The following PPFIA2 variants were observed in gnomAD, a reference collection of about 807,000 sequenced individuals.
The protein encoded by PPFIA2 is PPFI scaffold protein A2.
Under a neutral mutation model 175.5 loss-of-function variants are expected in PPFIA2, and 46 were observed. The observed-to-expected ratio is 0.26, with a 90% CI of 0.21 to 0.34. The LOEUF (loss-of-function observed/expected upper bound fraction) is 0.34. Ranked by LOEUF, PPFIA2 falls within the 10% of genes least tolerant of loss-of-function variation. PPFIA2 has a pLI of 1.00. For synonymous variants in PPFIA2, 568 were observed against 511.4 expected (o/e 1.11, Z -1.49); for missense variants, 1,179 against 1,506.1 (o/e 0.78, Z 3.60).
intron 22 of PPFIA2, chr12:81,302,755 T>C: frequency 2.3e-6 from 1 of 428,602 alleles, no homozygotes; most frequent in Non-Finnish European, 4.7e-6. Context: ...CAAAGCAATA[T>C]TGCCTTGCAT....
chr12:81,479,509 C>T (rs2057928397), intron 4 of PPFIA2, among the ~76,000 whole-genome samples: 1 of 152,156 alleles, frequency 6.6e-6, no homozygotes, highest in African/African-American at 2.4e-5. Flanking sequence ...GATGCAGTTT[C>T]TTCATAGAGT....
At chr12:81,267,826 G>GA (rs749467100) in intron 29 of PPFIA2, 86 bp downstream of exon 29, 60 of 1,202,834 alleles carry the variant, frequency 5.0e-5, no homozygotes, top group African/African-American at 4.4e-4. Context: ...TAACAATCAT[G>GA]AATACACAGC....
At position 81,745,940 on chromosome 12, in the gene PPFIA2, A is replaced by G. The variant is rs535166284; in HGVS notation, c.249+8033T>C. Among the ~76,000 whole-genome samples the G allele has an allele frequency of 2.4e-4, 35 of 146,548 alleles. 6 individuals are homozygous for G. In the South Asian group the frequency reaches 7.2e-3, roughly 30 times the overall value. On this transcript the variant is annotated intron_variant, in intron 3 of 32. Coordinates refer to ENST00000549396, the MANE Select transcript of PPFIA2 (RefSeq NM_003625.5). Reference sequence around the variant, plus strand: ...CATGGAGTGGTAGACTATGTACAACAAACAAACAGCTTTCCAAAACAAAAG... The same window carrying G: ...CATGGAGTGGTAGACTATGTACAACGAACAAACAGCTTTCCAAAACAAAAG...
intron 4 of PPFIA2, among the ~76,000 whole-genome samples, chr12:81,532,780 CTTAT>C (rs2064778932): frequency 1.3e-5 from 2 of 151,676 alleles, no homozygotes; most frequent in African/African-American, 4.8e-5. Context: ...AGCTATGACT[CTTAT>C]TTGTTTCTTT....
At chr12:81,391,491 A>G (rs2040110997) in intron 8 of PPFIA2, among the ~76,000 whole-genome samples, 1 of 151,952 alleles carries the variant, frequency 6.6e-6, no homozygotes, top group South Asian at 2.1e-4. Context: ...AGGAGCCATC[A>G]AAGTTGTTTG....
chr12:81,552,497 A>T (rs1198619746), intron 4 of PPFIA2, among the ~76,000 whole-genome samples: 3 of 152,048 alleles, frequency 2.0e-5, no homozygotes, highest in Admixed American at 6.6e-5. Flanking sequence ...CTTGCCAAAC[A>T]TGTTACAATT....
At chr12:81,627,253 T>C (rs1162452863) in intron 4 of PPFIA2, among the ~76,000 whole-genome samples, 1 of 152,040 alleles carries the variant, frequency 6.6e-6, no homozygotes, top group Non-Finnish European at 1.5e-5. Context: ...TAACAATAAG[T>C]TATTGAATAT....
At chr12:81,588,740 T>C (rs1162636144) in intron 4 of PPFIA2, among the ~76,000 whole-genome samples, 2 of 152,132 alleles carry the variant, frequency 1.3e-5, no homozygotes, top group Admixed American at 6.6e-5. Context: ...TTCTCTTTTA[T>C]TAGCTCACAT....
At chr12:81,709,129 A>T (rs1453219141) in intron 3 of PPFIA2, among the ~76,000 whole-genome samples, 1 of 152,002 alleles carries the variant, frequency 6.6e-6, no homozygotes, top group Non-Finnish European at 1.5e-5. Flanking sequence ...TTCCTCACAT[A>T]GGGCTTCTTT....
chr12:81,350,734 C>T (rs188273390), intron 17 of PPFIA2, among the ~76,000 whole-genome samples: 195 of 152,188 alleles, frequency 1.3e-3, no homozygotes, highest in African/African-American at 4.4e-3. Flanking sequence ...AAAGTCTTCT[C>T]TGGCTGTAGT....
chr12:81,437,670 C>G (rs1323538883), intron 7 of PPFIA2, among the ~76,000 whole-genome samples: 2 of 151,990 alleles, frequency 1.3e-5, no homozygotes, highest in African/African-American at 4.8e-5. Flanking sequence ...GTTTGTTTGC[C>G]CTTATCAATA....
chr12:81,448,254 T>C (rs2051705186), intron 5 of PPFIA2, among the ~76,000 whole-genome samples: 1 of 152,180 alleles, frequency 6.6e-6, no homozygotes, highest in East Asian at 1.9e-4. Context: ...CATGTCCTCA[T>C]TGTCTCTTTA....
intron 4 of PPFIA2, among the ~76,000 whole-genome samples, chr12:81,650,440 T>C (rs2066867923): frequency 6.6e-6 from 1 of 152,180 alleles, no homozygotes; most frequent in Admixed American, 6.5e-5. Flanking sequence ...TCAAAAATAA[T>C]TTGAGTATTT....
intron 8 of PPFIA2, among the ~76,000 whole-genome samples, chr12:81,394,837 C>T (rs552476485): frequency 6.6e-6 from 1 of 151,488 alleles, no homozygotes; most frequent in Non-Finnish European, 1.5e-5. Flanking sequence ...TCCATGAAAT[C>T]CACTACTTTT....
At chr12:81,410,045 C>G (rs1301538245) in intron 7 of PPFIA2, among the ~76,000 whole-genome samples, 1 of 152,052 alleles carries the variant, frequency 6.6e-6, no homozygotes, top group Non-Finnish European at 1.5e-5. Flanking sequence ...CTCAAGGGTA[C>G]TAGCTAATTA....
chr12:81,601,135 A>G (rs1297545313), intron 4 of PPFIA2, among the ~76,000 whole-genome samples: 1 of 151,964 alleles, frequency 6.6e-6, no homozygotes, highest in Non-Finnish European at 1.5e-5. Context: ...AGATGAAAAT[A>G]GTATAGATTA....
At chr12:81,559,959 C>A (rs74106644) in intron 4 of PPFIA2, among the ~76,000 whole-genome samples, 18,352 of 152,074 alleles carry the variant, frequency 0.12, 1,225 homozygotes, top group Middle Eastern at 0.13. Flanking sequence ...TGGGCTGACA[C>A]ATGTGGCCTC....
chr12:81,342,132 T>TA (rs2058205658), intron 19 of PPFIA2, among the ~76,000 whole-genome samples: 1 of 152,046 alleles, frequency 6.6e-6, no homozygotes, highest in Non-Finnish European at 1.5e-5. Context: ...AAAGAACACT[T>TA]TAGTACAGAA....
chr12:81,700,641 T>G (rs920446847), intron 3 of PPFIA2, among the ~76,000 whole-genome samples: 4 of 152,088 alleles, frequency 2.6e-5, no homozygotes, highest in African/African-American at 9.7e-5. Context: ...TTGTGCACTA[T>G]GTCTGAATTT....
Sources: gnomAD v4.1 joint callset for allele counts (sites outside exome capture counted in the v4.1 genomes callset) on GRCh38, gnomAD v4.1.1 for gene constraint, MANE v1.5 for transcripts, NCBI Gene and HGNC (gene_info 2026-07-23, HGNC 2026-07-21) for gene names.